SLC7A6: variants seen among roughly 807,000 people sequenced by gnomAD.
SLC7A6 encodes Y+L amino acid transporter 2.
In SLC7A6, 29 loss-of-function variants were observed where a neutral mutation model predicts 46.6. The observed-to-expected ratio is 0.62, with a 90% CI of 0.46 to 0.85. SLC7A6 has a LOEUF of 0.85. Ranked by LOEUF, SLC7A6 falls within the 40% of genes least tolerant of loss-of-function variation. The pLI, the probability that SLC7A6 is intolerant of heterozygous loss-of-function variation, is 0.00. For missense variants in SLC7A6, 527 were observed against 647.6 expected (o/e 0.81, Z 2.02); for synonymous variants, 276 against 257.3 (o/e 1.07, Z -0.70).
rs766464534 is a variant in SLC7A6 at position 68,296,843 on chromosome 16, G to A, written c.1453+33G>A. The A allele has an allele frequency of 3.7e-6, 6 of 1,610,210 alleles. No homozygotes were observed. In the South Asian group the frequency reaches 4.4e-5, roughly 12 times the overall value. On this transcript the variant is annotated intron_variant, in intron 10 of 10. Transcript: ENST00000219343. ...TCTCTGTGCCCCATTACTCACTGGC[G>A]GCTATGTGTGCATGCGCATGCAGAG...
intron 3 of SLC7A6, among the ~76,000 whole-genome samples, chr16:68,279,349 A>T (rs78022167): frequency 0.012 from 1,763 of 152,150 alleles, 39 homozygotes; most frequent in African/African-American, 0.04. Context: ...CTCAAAAAAA[A>T]TTTCATATTT....
At position 68,298,192 on chromosome 16, in the gene SLC7A6, T is replaced by G. The variant is rs2043208431; in HGVS notation, c.*864T>G. ...ATATTGCTGTTTTGAAGGACAATCC[T>G]TTATTTTACTTGAGACCTTACATCT... is the stretch of plus-strand genomic sequence containing the variant. On this transcript the variant is annotated 3_prime_UTR_variant, in exon 11 of 11. Transcript: ENST00000219343. 6.6e-6 allele frequency: 1 copy of G among 152,668 alleles called. No individual in the cohort carries two copies. Among genetic ancestry groups the G allele is most frequent in the Non-Finnish European group, 1.5e-5 (1 of 68,030 alleles). The allele number at this position is 152,668 out of a possible 1,614,324, so 9.5% of individuals were successfully genotyped here.
At chr16:68,293,834 G>C (rs1057271026) in intron 7 of SLC7A6, among the ~76,000 whole-genome samples, 1 of 152,218 alleles carries the variant, frequency 6.6e-6, no homozygotes, top group African/African-American at 2.4e-5. Context: ...AGCCTAGCGA[G>C]TGAGTGTCGT....
At chr16:68,272,248 TACAG>T (rs2042635320) in intron 2 of SLC7A6, among the ~76,000 whole-genome samples, 1 of 136,980 alleles carries the variant, frequency 7.3e-6, no homozygotes, top group Non-Finnish European at 1.7e-5. Context: ...ACACTGTCTC[TACAG>T]ACAAATTAAA....
intron 3 of SLC7A6, 142 bp downstream of exon 3, chr16:68,275,391 T>C: frequency 1.0e-6 from 1 of 999,730 alleles, no homozygotes; most frequent in Non-Finnish European, 1.5e-6. Flanking sequence ...AGGTTGGGAG[T>C]TCGAGACCAG....
Position 68,287,790 on chromosome 16 carries a change from C to T in SLC7A6, c.568C>T (p.Arg190Cys), listed in dbSNP as rs774125338. ...CTGTGCCTATGTCAAGTGGGGCACACGTGTGCAGGACACGTTCACTTACGC... is the reference window on the plus strand; with the variant it reads ...CTGTGCCTATGTCAAGTGGGGCACATGTGTGCAGGACACGTTCACTTACGC... Reference protein sequence around the residue: ...VNCAYVKWGTRVQDTFTYAKV... With the variant: ...VNCAYVKWGTCVQDTFTYAKV... The change falls in exon 4 of 11, where the codon CGT becomes TGT. Residue 190 changes from arginine to cysteine, a missense_variant. By Grantham distance (180) the Arg-to-Cys change is radical. Coordinates refer to ENST00000219343, the MANE Select transcript of SLC7A6 (RefSeq NM_003983.6). The T allele has an allele frequency of 1.2e-5, 20 of 1,614,056 alleles. No homozygotes were observed. The highest frequency in any genetic ancestry group is 1.6e-4 in the Middle Eastern group (1 of 6,084).
chr16:68,275,250 G>T lies in SLC7A6; in HGVS notation c.523+1G>T. 1 of 1,609,956 alleles carries T rather than the reference G, an allele frequency of 6.2e-7. No homozygotes were observed. On this transcript the variant is annotated splice_donor_variant, in intron 3 of 10. Transcript: ENST00000219343. LOFTEE classifies it high-confidence loss of function. ...CGTCTCCTGGCTGCTGCTTGCATAT[G>T]TAAGTGGGGGCTGAGATTGGGAGGA...
At chr16:68,281,706 G>A (rs1362852112) in intron 3 of SLC7A6, among the ~76,000 whole-genome samples, 1 of 152,194 alleles carries the variant, frequency 6.6e-6, no homozygotes, top group Non-Finnish European at 1.5e-5. Context: ...TAACCCAGGT[G>A]CCCAGTATTA....
At chr16:68,267,276 C>T (rs902732165) in intron 2 of SLC7A6, among the ~76,000 whole-genome samples, 3 of 139,188 alleles carry the variant, frequency 2.2e-5, no homozygotes, top group African/African-American at 5.6e-5. Flanking sequence ...TGCAATGGTG[C>T]GATCTTGGCT....
intron 3 of SLC7A6, among the ~76,000 whole-genome samples, chr16:68,280,414 G>A (rs2042808843): frequency 6.6e-6 from 1 of 152,144 alleles, no homozygotes; most frequent in South Asian, 2.1e-4. Flanking sequence ...CCAGACTTGG[G>A]CCCCAGAGAT....
intron 2 of SLC7A6, among the ~76,000 whole-genome samples, chr16:68,267,628 C>T (rs1001151375): frequency 3.9e-5 from 6 of 152,150 alleles, no homozygotes; most frequent in African/African-American, 1.4e-4. Flanking sequence ...TGTGATATAG[C>T]AAAATATTTT....
In SLC7A6 at chr16:68,287,841, A is replaced by T. The variant is rs2076068580; in HGVS notation, c.619A>T (p.Ile207Phe). ...YAKVVALIAIIVMGLVKLCQG... is the reference protein window; with the variant it reads ...YAKVVALIAIFVMGLVKLCQG... ...CAAGGTCGTAGCGCTCATTGCCATCATTGTCATGGGCCTTGTTAAACTGTG... is the reference window on the plus strand; with the variant it reads ...CAAGGTCGTAGCGCTCATTGCCATCTTTGTCATGGGCCTTGTTAAACTGTG... The change falls in exon 4 of 11, where the codon ATT becomes TTT. Residue 207 changes from isoleucine (I) to phenylalanine (F), a missense_variant. Transcript: ENST00000219343. 1 of 1,614,022 alleles carries T rather than the reference A, an allele frequency of 6.2e-7. No individual in the cohort carries two copies. The highest frequency in any genetic ancestry group is 1.3e-5 in the African/African-American group (1 of 74,930).
chr16:68,275,288 G>A (rs2042689861), intron 3 of SLC7A6, 39 bp downstream of exon 3: 1 of 1,570,758 alleles, frequency 6.4e-7, no homozygotes, highest in Non-Finnish European at 8.7e-7. Context: ...TTGGGGGGTG[G>A]GGGGTACTAT....
chr16:68,292,551 TG>T (rs770002444), intron 7 of SLC7A6: 1 of 152,186 alleles, frequency 6.6e-6, no homozygotes, highest in Admixed American at 6.5e-5. Context: ...TTTTAGAGAT[TG>T]GGGTCTCACT....
At chr16:68,280,600 A>T (rs74579913) in intron 3 of SLC7A6, among the ~76,000 whole-genome samples, 118 of 142,966 alleles carry the variant, frequency 8.3e-4, no homozygotes, top group Middle Eastern at 3.6e-3. Context: ...AAAAAAAAAA[A>T]TTTCTTTTTT....
chr16:68,268,783 A>G (rs2042577131), intron 2 of SLC7A6, among the ~76,000 whole-genome samples: 1 of 152,168 alleles, frequency 6.6e-6, no homozygotes, highest in African/African-American at 2.4e-5. Context: ...AGGCAGGCGG[A>G]TCACCTGAGG....
At chr16:68,271,177 G>C (rs934332126) in intron 2 of SLC7A6, among the ~76,000 whole-genome samples, 1 of 151,738 alleles carries the variant, frequency 6.6e-6, no homozygotes, top group African/African-American at 2.4e-5. Context: ...TTTTTTTATA[G>C]AGACGGAACC....
chr16:68,295,347 T>C (rs189080468), intron 8 of SLC7A6, among the ~76,000 whole-genome samples: 1 of 152,360 alleles, frequency 6.6e-6, no homozygotes, highest in African/African-American at 2.4e-5. Context: ...TGAACTTTTC[T>C]ATCATTTCAT....
At chr16:68,288,690 G>A (rs1197337859) in intron 4 of SLC7A6, among the ~76,000 whole-genome samples, 1 of 152,004 alleles carries the variant, frequency 6.6e-6, no homozygotes, top group African/African-American at 2.4e-5. Flanking sequence ...CCTTGGCCCG[G>A]CACGGTGGCT....
Sources: gnomAD v4.1 joint callset for allele counts (sites outside exome capture counted in the v4.1 genomes callset) on GRCh38, gnomAD v4.1.1 for gene constraint, MANE v1.5 for transcripts, NCBI Gene and HGNC (gene_info 2026-07-23, HGNC 2026-07-21) for gene names.